Variants in MKLN1 observed in about 807,000 individuals in gnomAD.
MKLN1 encodes muskelin 1.
Under a neutral mutation model 99.0 loss-of-function variants are expected in MKLN1, and 18 were observed. The ratio of observed to expected loss-of-function variants is 0.18; its 90% CI spans 0.13 to 0.27. The LOEUF (loss-of-function observed/expected upper bound fraction) is 0.27. Among genes scored for constraint, MKLN1 ranks in the 10% least tolerant of loss-of-function variants. MKLN1 has a pLI of 1.00. For synonymous variants in MKLN1, 288 were observed against 293.2 expected (o/e 0.98, Z 0.18); for missense variants, 621 against 875.9 (o/e 0.71, Z 3.67).
chr7:131,151,435 A>G (rs1563232270), intron 2 of MKLN1, among the ~76,000 whole-genome samples: 1 of 152,156 alleles, frequency 6.6e-6, no homozygotes, highest in Non-Finnish European at 1.5e-5. Flanking sequence ...AAAAAAATGA[A>G]CTGTTTACTC....
intron 15 of MKLN1, 102 bp from the exon 16 acceptor site, chr7:131,470,740 C>T: frequency 1.3e-6 from 1 of 747,198 alleles, no homozygotes; most frequent in Non-Finnish European, 2.3e-6. Context: ...TCCAGAACAA[C>T]TCCTCATACT....
intron 4 of MKLN1, among the ~76,000 whole-genome samples, chr7:131,391,539 T>G (rs1794197749): frequency 6.6e-6 from 1 of 152,220 alleles, no homozygotes; most frequent in African/African-American, 2.4e-5. Flanking sequence ...ACAAGGAAAA[T>G]AGCCCACATT....
At chr7:131,190,810 G>T (rs1199259863) in intron 2 of MKLN1, among the ~76,000 whole-genome samples, 2 of 152,186 alleles carry the variant, frequency 1.3e-5, no homozygotes, top group Non-Finnish European at 2.9e-5. Context: ...AGAAATCTGT[G>T]TAGAGACTGG....
intron 2 of MKLN1, among the ~76,000 whole-genome samples, chr7:131,158,048 CT>C (rs1795994510): frequency 6.6e-6 from 1 of 152,338 alleles, no homozygotes; most frequent in East Asian, 1.9e-4. Flanking sequence ...TCCGCAAGCT[CT>C]TCTGTTTACT....
chr7:131,169,162 G>T (rs1283218793), intron 2 of MKLN1, among the ~76,000 whole-genome samples: 1 of 152,204 alleles, frequency 6.6e-6, no homozygotes, highest in African/African-American at 2.4e-5. Flanking sequence ...ACCTCGCCCG[G>T]CCAGCCACCG....
chr7:131,414,134 C>G (rs1463128023), intron 7 of MKLN1, among the ~76,000 whole-genome samples: 2 of 151,934 alleles, frequency 1.3e-5, no homozygotes, highest in Admixed American at 1.3e-4. Flanking sequence ...CAAAATTATA[C>G]AAAAATTTTA....
At chr7:131,350,655 T>G (rs575405262) in intron 1 of MKLN1, among the ~76,000 whole-genome samples, 1 of 152,304 alleles carries the variant, frequency 6.6e-6, no homozygotes, top group East Asian at 1.9e-4. Flanking sequence ...TAATGTGGTG[T>G]TTTGCTTCAT....
chr7:131,200,268 A>G (rs1584828841), intron 2 of MKLN1, among the ~76,000 whole-genome samples: 1 of 152,174 alleles, frequency 6.6e-6, no homozygotes, highest in East Asian at 1.9e-4. Flanking sequence ...TTATTTAATT[A>G]TTTCTTTATG....
At chr7:131,256,614 G>T (rs1797661854) in intron 3 of MKLN1, among the ~76,000 whole-genome samples, 1 of 152,218 alleles carries the variant, frequency 6.6e-6, no homozygotes. Flanking sequence ...AAATAAGAAA[G>T]TCGGTACATC....
chr7:131,328,305 TG>T (rs1369137692), intron 1 of MKLN1: 1 of 315,896 alleles, frequency 3.2e-6, no homozygotes, highest in Non-Finnish European at 6.0e-6. Flanking sequence ...GAGGAGGGCT[TG>T]GGGGGCGGAC....
At chr7:131,289,274 G>T (rs1798179871) in intron 3 of MKLN1, among the ~76,000 whole-genome samples, 1 of 152,222 alleles carries the variant, frequency 6.6e-6, no homozygotes, top group African/African-American at 2.4e-5. Context: ...CTAGAAGGGG[G>T]TTTATGGGTG....
chr7:131,482,621 T>C (rs1181406511), intron 17 of MKLN1, among the ~76,000 whole-genome samples: 1 of 152,106 alleles, frequency 6.6e-6, no homozygotes, highest in African/African-American at 2.4e-5. Context: ...TAGCCAGGCA[T>C]GGTGGTGTGA....
intron 1 of MKLN1, among the ~76,000 whole-genome samples, chr7:131,334,224 C>T (rs759259478): frequency 2.6e-4 from 39 of 152,128 alleles, no homozygotes; most frequent in Non-Finnish European, 3.7e-4. Flanking sequence ...GCTCCTGCAA[C>T]CCAGAATTTG....
At chr7:131,484,919 C>T (rs534964118) in intron 17 of MKLN1, among the ~76,000 whole-genome samples, 5 of 151,856 alleles carry the variant, frequency 3.3e-5, no homozygotes, top group Admixed American at 2.6e-4. Flanking sequence ...AGGAAGAATC[C>T]TCTGGGGCTT....
chr7:131,332,228 G>C (rs1051785443), intron 1 of MKLN1, among the ~76,000 whole-genome samples: 1 of 150,934 alleles, frequency 6.6e-6, no homozygotes, highest in African/African-American at 2.4e-5. Context: ...TTGAGACCAG[G>C]AGTTTGAGAC....
intron 3 of MKLN1, among the ~76,000 whole-genome samples, chr7:131,264,654 T>A (rs923670313): frequency 6.6e-6 from 1 of 152,152 alleles, no homozygotes; most frequent in Admixed American, 6.5e-5. Context: ...TTTTTGGGTT[T>A]TTTTTCTTTT....
chr7:131,199,758 A>T (rs935470115), intron 2 of MKLN1, among the ~76,000 whole-genome samples: 1 of 152,148 alleles, frequency 6.6e-6, no homozygotes, highest in Non-Finnish European at 1.5e-5. Context: ...CAGTGGTGTG[A>T]TCTCGACTCA....
chr7:131,375,701 A>G (rs938603823), intron 2 of MKLN1, among the ~76,000 whole-genome samples: 4 of 152,112 alleles, frequency 2.6e-5, no homozygotes, highest in Non-Finnish European at 5.9e-5. Context: ...TTGATGAAAC[A>G]TGGACTTTTA....
chr7:131,445,432 G>GCT (rs887580770), intron 11 of MKLN1, among the ~76,000 whole-genome samples: 9 of 152,026 alleles, frequency 5.9e-5, no homozygotes, highest in East Asian at 5.8e-4. Flanking sequence ...TCGCTTGCGT[G>GCT]CTCTCTCTCT....
Sources: allele counts gnomAD v4.1 joint callset (sites outside exome capture counted in the v4.1 genomes callset), GRCh38; gene constraint gnomAD v4.1.1; transcripts MANE v1.5; gene names NCBI Gene and HGNC (gene_info 2026-07-23, HGNC 2026-07-21).